MARCHF1: variants seen among roughly 807,000 people sequenced by gnomAD.
The protein encoded by MARCHF1 is membrane associated ring-CH-type finger 1.
In MARCHF1, 40 loss-of-function variants were observed where a neutral mutation model predicts 54.2. The observed-to-expected ratio is 0.74, with a 90% CI of 0.57 to 0.96. The LOEUF is 0.96. MARCHF1 is among the 40% of genes least tolerant of loss of function. MARCHF1 has a pLI of 0.00. For missense variants in MARCHF1, 586 were observed against 656.5 expected (o/e 0.89, Z 1.17); for synonymous variants, 236 against 236.3 (o/e 1.00, Z 0.01).
At chr4:163,709,830 G>A (rs751518615) in intron 4 of MARCHF1, among the ~76,000 whole-genome samples, 20 of 152,102 alleles carry the variant, frequency 1.3e-4, no homozygotes, top group Non-Finnish European at 2.6e-4. Context: ...AAAGACCCTT[G>A]CATGTTTACC....
intron 5 of MARCHF1, among the ~76,000 whole-genome samples, chr4:163,641,241 T>C (rs1441420984): frequency 6.6e-6 from 1 of 152,082 alleles, no homozygotes; most frequent in Non-Finnish European, 1.5e-5. Flanking sequence ...AATCTGTCAC[T>C]TTTCCAGAAT....
At chr4:163,896,094 T>A (rs1750800071) in intron 3 of MARCHF1, among the ~76,000 whole-genome samples, 1 of 152,220 alleles carries the variant, frequency 6.6e-6, no homozygotes, top group Non-Finnish European at 1.5e-5. Context: ...GATTACACTT[T>A]CATTTTTTTC....
At chr4:163,562,016 G>T (rs527940483) in intron 8 of MARCHF1, among the ~76,000 whole-genome samples, 1 of 152,168 alleles carries the variant, frequency 6.6e-6, no homozygotes, top group South Asian at 2.1e-4. Context: ...AACACTCCAG[G>T]CCAGGAGTGG....
intron 1 of MARCHF1, among the ~76,000 whole-genome samples, chr4:164,312,383 C>A (rs1206096230): frequency 3.8e-5 from 5 of 130,444 alleles, no homozygotes; most frequent in African/African-American, 1.5e-4. Context: ...AGGGCAGTGG[C>A]GCAATCTCAG....
chr4:164,146,568 G>A (rs369343142), intron 1 of MARCHF1, among the ~76,000 whole-genome samples: 1 of 152,056 alleles, frequency 6.6e-6, no homozygotes, highest in African/African-American at 2.4e-5. Flanking sequence ...AACAAGCAAT[G>A]GGGAAAGGAT....
intron 1 of MARCHF1, among the ~76,000 whole-genome samples, chr4:164,228,542 T>C (rs571640032): frequency 1.4e-3 from 209 of 152,328 alleles, no homozygotes; most frequent in African/African-American, 4.6e-3. Flanking sequence ...AAACGTATAA[T>C]GTTGAGAAAA....
intron 5 of MARCHF1, among the ~76,000 whole-genome samples, chr4:163,643,327 C>CAAATAAAAAT (rs140111137): frequency 5.4e-4 from 75 of 138,104 alleles, no homozygotes; most frequent in Admixed American, 3.4e-3. Flanking sequence ...GACCCTGTCT[C>CAAATAAAAAT]AAAAATAAAA....
At chr4:163,700,499 T>C (rs1161190565) in intron 5 of MARCHF1, among the ~76,000 whole-genome samples, 1 of 140,106 alleles carries the variant, frequency 7.1e-6, no homozygotes, top group Non-Finnish European at 1.5e-5. Context: ...AGTAAGACTC[T>C]GTCTAAAAAG....
At chr4:163,906,467 T>A (rs1391361568) in intron 3 of MARCHF1, among the ~76,000 whole-genome samples, 3 of 150,918 alleles carry the variant, frequency 2.0e-5, no homozygotes, top group South Asian at 4.1e-4. Context: ...TTCAAATATT[T>A]TTTTTTCAAA....
At chr4:164,296,848 G>A (rs1223697249) in intron 1 of MARCHF1, among the ~76,000 whole-genome samples, 2 of 152,098 alleles carry the variant, frequency 1.3e-5, no homozygotes, top group African/African-American at 2.4e-5. Context: ...ATGGAACCAA[G>A]AAGCCAGGAA....
At chr4:164,080,461 T>C (rs1180861206) in intron 2 of MARCHF1, among the ~76,000 whole-genome samples, 1 of 152,168 alleles carries the variant, frequency 6.6e-6, no homozygotes, top group East Asian at 1.9e-4. Context: ...CATTATTATA[T>C]AGATGAGGAT....
chr4:164,079,410 A>G (rs2111109311), intron 2 of MARCHF1, among the ~76,000 whole-genome samples: 1 of 152,316 alleles, frequency 6.6e-6, no homozygotes, highest in Non-Finnish European at 1.5e-5. Context: ...GTAACAAACA[A>G]TTGGCCAAAT....
Position 163,733,203 on chromosome 4 carries a change from A to ATACACACG in MARCHF1, c.112-32341_112-32340insCGTGTGTA, listed in dbSNP as rs1554008843. Among the ~76,000 whole-genome samples, 6 of 37,874 alleles carry ATACACACG rather than the reference A, an allele frequency of 1.6e-4. 1 individual carries two copies. The highest frequency in any genetic ancestry group is 4.2e-4 in the African/African-American group (6 of 14,156). 24.8% of individuals were successfully genotyped at this position (37,874 alleles called of 152,430 possible). On this transcript the variant is annotated intron_variant, in intron 4 of 9. Transcript: ENST00000514618. ...TATATATATATATATATATATATAT[A>ATACACACG]TATATATATATATATATACACGTGT... is the stretch of plus-strand genomic sequence containing the variant.
rs1282846644 is a variant in MARCHF1 at position 163,700,779 on chromosome 4, A to T, written c.162+34T>A. The T allele has an allele frequency of 1.1e-5, 16 of 1,491,238 alleles. 1 individual carries two copies. The highest frequency in any genetic ancestry group is 1.4e-5 in the Non-Finnish European group (16 of 1,105,338). 92.4% of individuals were successfully genotyped at this position (1,491,238 alleles called of 1,614,324 possible). ...TTTATGTGAACTCATGAAGTGCAGA[A>T]GTCAACAAACAAGAAAATGAGTACT... On this transcript the variant is annotated intron_variant, in intron 5 of 9. Coordinates refer to ENST00000514618, the MANE Select transcript of MARCHF1 (RefSeq NM_001394959.1).
chr4:164,103,232 C>A (rs1379562717), intron 2 of MARCHF1, among the ~76,000 whole-genome samples: 1 of 74,930 alleles, frequency 1.3e-5, no homozygotes, highest in Admixed American at 1.6e-4. Context: ...CAAGGATACC[C>A]AGGAATTGAA....
At chr4:163,751,283 T>G (rs1420372596) in intron 4 of MARCHF1, among the ~76,000 whole-genome samples, 1 of 152,066 alleles carries the variant, frequency 6.6e-6, no homozygotes, top group Non-Finnish European at 1.5e-5. Context: ...ATCTCCTGCC[T>G]TAGTATCCCG....
At chr4:164,025,369 A>G (rs917209398) in intron 2 of MARCHF1, among the ~76,000 whole-genome samples, 1 of 152,092 alleles carries the variant, frequency 6.6e-6, no homozygotes, top group African/African-American at 2.4e-5. Context: ...ATTCAAAAAA[A>G]CAAAATCATA....
intron 3 of MARCHF1, among the ~76,000 whole-genome samples, chr4:163,862,500 G>C (rs967653631): frequency 1.3e-5 from 2 of 151,920 alleles, no homozygotes; most frequent in African/African-American, 2.4e-5. Context: ...TTAAAACAAC[G>C]AGATGCCACT....
At chr4:164,361,652 T>C (rs753529612) in intron 1 of MARCHF1, among the ~76,000 whole-genome samples, 45 of 152,178 alleles carry the variant, frequency 3.0e-4, no homozygotes, top group Non-Finnish European at 6.0e-4. Flanking sequence ...TGATAACGTA[T>C]GCCAAAAGAA....
Sources: gnomAD v4.1 joint callset for allele counts (sites outside exome capture counted in the v4.1 genomes callset) on GRCh38, gnomAD v4.1.1 for gene constraint, MANE v1.5 for transcripts, NCBI Gene and HGNC (gene_info 2026-07-23, HGNC 2026-07-21) for gene names.